NEO1: variants seen among roughly 807,000 people sequenced by gnomAD.
The protein encoded by NEO1 is neogenin.
A neutral mutation model predicts 159.7 loss-of-function variants in NEO1; 63 were observed. The observed-to-expected ratio is 0.39, with a 90% confidence interval of 0.32 to 0.49. The LOEUF is 0.49. Among genes scored for constraint, NEO1 ranks in the 20% least tolerant of loss-of-function variants. The pLI is 0.85. For missense variants in NEO1, 1,615 were observed against 1,831.0 expected (o/e 0.88, Z 2.15); for synonymous variants, 633 against 662.0 (o/e 0.96, Z 0.67).
intron 23 of NEO1, 104 bp downstream of exon 23, chr15:73,283,215 C>T: frequency 1.6e-6 from 2 of 1,274,986 alleles, no homozygotes; most frequent in South Asian, 1.5e-5. Flanking sequence ...CATAAAAATA[C>T]ATGAAAAGGA....
chr15:73,234,311 C>A (rs2039062343), intron 7 of NEO1, among the ~76,000 whole-genome samples: 1 of 152,124 alleles, frequency 6.6e-6, no homozygotes, highest in African/African-American at 2.4e-5. Context: ...TGACTTTAAA[C>A]ACAGCATATT....
chr15:73,116,381 A>G (rs756867381), intron 1 of NEO1, among the ~76,000 whole-genome samples, 159 bp from the exon 2 acceptor site: 12 of 151,770 alleles, frequency 7.9e-5, no homozygotes, highest in Non-Finnish European at 1.6e-4. Flanking sequence ...ACTTGAAAGT[A>G]AATCTTATTT....
chr15:73,271,088 A>T (rs933114714), intron 18 of NEO1, among the ~76,000 whole-genome samples: 1 of 152,178 alleles, frequency 6.6e-6, no homozygotes, highest in Non-Finnish European at 1.5e-5. Flanking sequence ...TATATGAATA[A>T]TGGAGTTATA....
intron 7 of NEO1, among the ~76,000 whole-genome samples, chr15:73,210,242 CTCT>C (rs1307373600): frequency 6.6e-6 from 1 of 152,180 alleles, no homozygotes; most frequent in Non-Finnish European, 1.5e-5. Flanking sequence ...AAGAGGACAG[CTCT>C]TCTTGTTATT....
chr15:73,208,725 C>T (rs1055704444), intron 7 of NEO1, among the ~76,000 whole-genome samples: 1 of 151,912 alleles, frequency 6.6e-6, no homozygotes, highest in Non-Finnish European at 1.5e-5. Flanking sequence ...AGTGGGACAT[C>T]GTGGCACGCG....
chr15:73,171,753 G>A (rs1260662472), intron 5 of NEO1, among the ~76,000 whole-genome samples: 3 of 151,360 alleles, frequency 2.0e-5, no homozygotes, highest in East Asian at 1.9e-4. Flanking sequence ...GCGATTCTCC[G>A]GTCTCAGCCT....
chr15:73,253,496 C>T (rs759875976), intron 12 of NEO1, 47 bp downstream of exon 12: 37 of 1,363,520 alleles, frequency 2.7e-5, no homozygotes, highest in Middle Eastern at 1.8e-4. Context: ...TATACTGTTG[C>T]GCCTCAGAGG....
In NEO1 at chr15:73,139,348, C is replaced by T. The variant is rs368317669; in HGVS notation, c.1015+3321C>T. On this transcript the variant is annotated intron_variant, in intron 5 of 28. Transcript: ENST00000261908. ...TAAATTGGATTGCATTGAACTGAGA[C>T]GCTCCTGCCAGTAATGGAAACAATC... 1.4e-4 allele frequency among the ~76,000 whole-genome samples: 21 copies of T among 152,096 alleles called. No individual in the cohort carries two copies. In the East Asian group the frequency reaches 1.7e-3, roughly 13 times the overall value.
chr15:73,069,674 G>A (rs1178012398), intron 1 of NEO1, among the ~76,000 whole-genome samples: 2 of 151,490 alleles, frequency 1.3e-5, no homozygotes, highest in Non-Finnish European at 2.9e-5. Context: ...ATACACATAC[G>A]TATATATATA....
chr15:73,238,021 G>C (rs188163433), intron 8 of NEO1, among the ~76,000 whole-genome samples: 30 of 152,082 alleles, frequency 2.0e-4, no homozygotes, highest in Non-Finnish European at 4.1e-4. Flanking sequence ...TTAGCCCCTC[G>C]GTGACTGTCA....
intron 5 of NEO1, among the ~76,000 whole-genome samples, chr15:73,144,811 G>C (rs2032745689): frequency 6.6e-6 from 1 of 152,160 alleles, no homozygotes; most frequent in Non-Finnish European, 1.5e-5. Flanking sequence ...TATCTTGATA[G>C]TGTCACTGCC....
chr15:73,149,208 G>A (rs972544540), intron 5 of NEO1, among the ~76,000 whole-genome samples: 4 of 151,874 alleles, frequency 2.6e-5, no homozygotes, highest in East Asian at 1.9e-4. Flanking sequence ...CCAGCTACTC[G>A]AGAGGCTGAG....
At chr15:73,188,765 C>T (rs1440903232) in intron 7 of NEO1, among the ~76,000 whole-genome samples, 1 of 152,130 alleles carries the variant, frequency 6.6e-6, no homozygotes, top group African/African-American at 2.4e-5. Flanking sequence ...AACCTAATCA[C>T]ACATTAGCCA....
At chr15:73,128,584 C>CT (rs770525167) in intron 4 of NEO1, among the ~76,000 whole-genome samples, 11 of 152,100 alleles carry the variant, frequency 7.2e-5, no homozygotes, top group Non-Finnish European at 1.0e-4. Flanking sequence ...AGTTCTTGAT[C>CT]TTACAGAGCT....
chr15:73,278,333 T>G, intron 22 of NEO1, 134 bp downstream of exon 22: 2 of 679,054 alleles, frequency 2.9e-6, no homozygotes, highest in Non-Finnish European at 4.9e-6. Flanking sequence ...TTGCTAGATT[T>G]AAGTGTTTGC....
chr15:73,064,390 CTCAT>C (rs1250888609), intron 1 of NEO1, among the ~76,000 whole-genome samples: 1 of 152,200 alleles, frequency 6.6e-6, no homozygotes, highest in Non-Finnish European at 1.5e-5. Context: ...CTTTGTCTCT[CTCAT>C]TCTCATAGTT....
At chr15:73,159,192 A>G (rs2033996988) in intron 5 of NEO1, among the ~76,000 whole-genome samples, 1 of 152,256 alleles carries the variant, frequency 6.6e-6, no homozygotes, top group African/African-American at 2.4e-5. Context: ...CTAGTTTTTC[A>G]AAGCTGATAA....
At chr15:73,200,972 G>A (rs1403387733) in intron 7 of NEO1, among the ~76,000 whole-genome samples, 7 of 152,064 alleles carry the variant, frequency 4.6e-5, no homozygotes, top group African/African-American at 1.2e-4. Context: ...ATGAACCAGC[G>A]GGCCTGGCCT....
rs144431530 is a variant in NEO1, at chr15:73,078,957, C to T, written c.130+26152C>T. Among the ~76,000 whole-genome samples, 463 of 152,314 alleles carry T rather than the reference C, an allele frequency of 3.0e-3. 1 individual carries two copies. The highest frequency in any genetic ancestry group is 6.8e-3 in the Middle Eastern group (2 of 294). ...GGCTCTTAACCAGCTTGCTGCATTA[C>T]GAAATACTAAACAGTGTGGTTTTCC... On this transcript the variant is annotated intron_variant, in intron 1 of 28. Coordinates refer to ENST00000261908, the MANE Select transcript of NEO1 (RefSeq NM_002499.4).
Sources: allele counts gnomAD v4.1 joint callset (sites outside exome capture counted in the v4.1 genomes callset), GRCh38; gene constraint gnomAD v4.1.1; transcripts MANE v1.5; gene names NCBI Gene and HGNC (gene_info 2026-07-23, HGNC 2026-07-21).